Variants in TBCD observed in about 807,000 individuals in gnomAD.
TBCD encodes the protein tubulin folding cofactor D, also known as tubulin-specific chaperone D.
TBCD carries 105 observed loss-of-function variants against 169.3 expected under a neutral mutation model. The ratio of observed to expected loss-of-function variants is 0.62; its 90% CI spans 0.53 to 0.73. The LOEUF (loss-of-function observed/expected upper bound fraction) is 0.73, where lower values mean the gene tolerates loss of function less well. Among genes scored for constraint, TBCD ranks in the 30% least tolerant of loss-of-function variants. The pLI, the probability that TBCD is intolerant of heterozygous loss-of-function variation, is 0.00. For synonymous variants in TBCD, 700 were observed against 643.9 expected (o/e 1.09, Z -1.32); for missense variants, 1,444 against 1,600.1 (o/e 0.90, Z 1.66).
chr17:82,842,974 G>A (rs1567872886), intron 13 of TBCD, among the ~76,000 whole-genome samples: 1 of 151,706 alleles, frequency 6.6e-6, no homozygotes, highest in Non-Finnish European at 1.5e-5. Context: ...TAGAGACGGG[G>A]TTTCACCGTG....
At position 82,907,764 on chromosome 17, in the gene TBCD, C is replaced by T. The variant is rs143310904; in HGVS notation, c.1926C>T (p.Pro642=). ...CTCTGTGTTTGAACTTCTGCAGGCC[C>T]GTCACGGACCATCTGGACGAGCAGG... ...LYKLAAQENR[P]VTDHLDEQAV... The change falls in exon 21 of 39, where the codon CCC becomes CCT. Residue 642 remains proline, a synonymous_variant. Coordinates refer to ENST00000355528, the MANE Select transcript of TBCD (RefSeq NM_005993.5). 46 of 1,613,730 alleles carry T rather than the reference C, an allele frequency of 2.9e-5. No homozygotes were observed. The African/African-American group carries it at 3.1e-4, about 11-fold the overall frequency.
At position 82,937,336 on chromosome 17, in the gene TBCD, A is replaced by C; in HGVS notation, c.3257A>C (p.Gln1086Pro). The C allele has an allele frequency of 6.2e-7, 1 of 1,614,052 alleles. No homozygotes were observed. The highest frequency in any genetic ancestry group is 8.5e-7 in the Non-Finnish European group (1 of 1,179,898). The change falls in exon 35 of 39, where the codon CAG becomes CCG. Residue 1086 changes from glutamine (Q) to proline (P), a missense_variant. Physicochemically the swap from Gln to Pro is moderately conservative, Grantham distance 76. Coordinates refer to ENST00000355528, the MANE Select transcript of TBCD (RefSeq NM_005993.5). ...KKEIKNSKDI[Q>P]KLLSGIAVFC... ...GAAATCAAGAATTCAAAAGATATCC[A>C]GAAGCTCCTGTCAGGCATCGCAGTG...
At chr17:82,809,658 T>A in intron 11 of TBCD, 50 bp from the exon 12 acceptor site, 1 of 1,588,944 alleles carries the variant, frequency 6.3e-7, no homozygotes, top group Non-Finnish European at 8.6e-7. Context: ...CGCATGCCCT[T>A]GGCGACAGGC....
intron 23 of TBCD, among the ~76,000 whole-genome samples, chr17:82,919,325 C>A (rs8067463): frequency 0.99 from 151,290 of 152,236 alleles, 75,182 homozygotes; most frequent in East Asian, 1. Context: ...CAGATTTTAT[C>A]ATAATAATTC....
chr17:82,884,077 A>C lies in TBCD; in HGVS notation c.1476-68A>C. On this transcript the variant is annotated intron_variant, in intron 14 of 38. Transcript: ENST00000355528. This position sits in a 1 kb window ranked among gnomAD's most constrained non-coding sequence, Gnocchi z 4.2. ...TGAGTCGTGAGAGAAAGGCTTTCTC[A>C]TCGATACTGTGTGGTCTGTACTGTT... 6.8e-7 allele frequency: 1 copy of C among 1,462,610 alleles called. No homozygotes were observed. Among genetic ancestry groups the C allele is most frequent in the East Asian group, 2.4e-5 (1 of 40,868 alleles). 90.6% of individuals were successfully genotyped at this position (1,462,610 alleles called of 1,614,324 possible). A position where few individuals can be genotyped will look rare whatever the true frequency, so the allele number is the denominator to read the frequency against.
chr17:82,811,134 C>T (rs1443104674), intron 12 of TBCD, among the ~76,000 whole-genome samples: 3 of 152,184 alleles, frequency 2.0e-5, no homozygotes, highest in Non-Finnish European at 4.4e-5. Flanking sequence ...CAGGCGTGTC[C>T]CTGGAGCTCC....
At position 82,833,358 on chromosome 17, in the gene TBCD, T is replaced by G. The variant is rs1214155560; in HGVS notation, c.1318+18424T>G. Among the ~76,000 whole-genome samples, 1 of 152,190 alleles carries G rather than the reference T, an allele frequency of 6.6e-6. No individual in the cohort carries two copies. Among genetic ancestry groups the G allele is most frequent in the Non-Finnish European group, 1.5e-5 (1 of 68,042 alleles). Reference sequence around the variant, plus strand: ...CACTCGTGGCAGTTTCTGCCCACTTTAGCCACGTCGTTGGTGTATTCTAGT... The same window carrying G: ...CACTCGTGGCAGTTTCTGCCCACTTGAGCCACGTCGTTGGTGTATTCTAGT... On this transcript the variant is annotated intron_variant, in intron 13 of 38. Transcript: ENST00000355528. This position sits in a 1 kb window ranked among gnomAD's most constrained non-coding sequence, Gnocchi z 4.7.
rs75154639 is a variant in TBCD, at chr17:82,763,820, G to A, written c.236-145G>A. On this transcript the variant is annotated intron_variant, in intron 2 of 38. Transcript: ENST00000355528. ...AATAGTAGGATCATAGCTCATTGCC[G>A]CCTTGAAATTCTGGCTTCAAATGAT... is the stretch of plus-strand genomic sequence containing the variant. The A allele has an allele frequency of 6.4e-3, 4,395 of 687,190 alleles. 139 individuals carry two copies. In the African/African-American group the frequency reaches 0.071, roughly 11 times the overall value. The allele number at this position is 687,190 out of a possible 1,614,324, so 42.6% of individuals were successfully genotyped here.
rs1355269484 is a variant in TBCD at position 82,890,963 on chromosome 17, G to T, written c.1563+1266G>T. Among the ~76,000 whole-genome samples the T allele has an allele frequency of 2.6e-5, 4 of 152,248 alleles. No individual in the cohort carries two copies. The highest frequency in any genetic ancestry group is 5.9e-5 in the Non-Finnish European group (4 of 68,046). On this transcript the variant is annotated intron_variant, in intron 16 of 38. Transcript: ENST00000355528. This position sits in a 1 kb window ranked among gnomAD's most constrained non-coding sequence, Gnocchi z 5.3. ...TAGGGACTTGCCAGCTTCCTGGAAA[G>T]TGAGAGCCCAGGAGAAGAAGTCTCC...
At chr17:82,885,220 G>C (rs533924888) in intron 15 of TBCD, among the ~76,000 whole-genome samples, 1 of 152,280 alleles carries the variant, frequency 6.6e-6, no homozygotes, top group South Asian at 2.1e-4. Flanking sequence ...GGCGGAAGGG[G>C]TGCTGGGACC....
chr17:82,813,914 G>T (rs1180349222), intron 12 of TBCD, among the ~76,000 whole-genome samples: 2 of 152,156 alleles, frequency 1.3e-5, no homozygotes, highest in Non-Finnish European at 2.9e-5. Flanking sequence ...GCAGCCACTG[G>T]GCGGACAGGC....
In TBCD at chr17:82,939,537, C is replaced by T. The variant is rs1220751768; in HGVS notation, c.3479+61C>T. ...CTGGCACCGCCCCTCTTCCTGTCCC[C>T]ACCGTGTCTACTCGTCTCTCCCAAA... On this transcript the variant is annotated intron_variant, in intron 37 of 38. Coordinates refer to ENST00000355528, the MANE Select transcript of TBCD (RefSeq NM_005993.5). The T allele has an allele frequency of 8.2e-6, 11 of 1,340,582 alleles. No homozygotes were observed. The East Asian group carries it at 1.9e-4, about 24-fold the overall frequency. The allele number at this position is 1,340,582 out of a possible 1,614,324, so 83.0% of individuals were successfully genotyped here.
In TBCD at chr17:82,805,947, A is replaced by C. The variant is rs771109546; in HGVS notation, c.1023A>C (p.Pro341=). Residue 341 remains proline (P), a synonymous_variant, in exon 10 of 39, where the codon CCA becomes CCC. Coordinates refer to ENST00000355528, the MANE Select transcript of TBCD (RefSeq NM_005993.5). ...CTCAGGGTCAGAGTGAGCAGAAGCC[A>C]CTCATCCTGACCGAAGATGACGACG... ...LLTQGQSEQK[P]LILTEDDDED... is the part of the protein sequence containing the mutation. 1.2e-6 allele frequency: 2 copies of C among 1,613,728 alleles called. No individual in the cohort carries two copies. The highest frequency in any genetic ancestry group is 1.1e-5 in the South Asian group (1 of 91,074).
intron 20 of TBCD, among the ~76,000 whole-genome samples, chr17:82,906,276 C>T (rs984014501): frequency 4.6e-5 from 7 of 152,184 alleles, no homozygotes; most frequent in Admixed American, 6.5e-5. Flanking sequence ...TTCAGCGGGG[C>T]GGGTGCAGCA....
At position 82,920,535 on chromosome 17, in the gene TBCD, C is replaced by G; in HGVS notation, c.2039-21C>G. On this transcript the variant is annotated intron_variant, in intron 23 of 38. Coordinates refer to ENST00000355528, the MANE Select transcript of TBCD (RefSeq NM_005993.5). This position sits in a 1 kb window ranked among gnomAD's most constrained non-coding sequence, Gnocchi z 4.1. ...TTTAGAAAAGTAACATTGCGTCTAT[C>G]CTTTTTTTTTTTTTTTCCAGTGTGT... is the stretch of plus-strand genomic sequence containing the variant. 6.7e-7 allele frequency: 1 copy of G among 1,500,716 alleles called. No homozygotes were observed. Among genetic ancestry groups the G allele is most frequent in the Non-Finnish European group, 8.8e-7 (1 of 1,131,348 alleles). 93.0% of individuals were successfully genotyped at this position (1,500,716 alleles called of 1,614,324 possible).
intron 2 of TBCD, among the ~76,000 whole-genome samples, chr17:82,761,683 C>T (rs937276781): frequency 6.6e-6 from 1 of 150,384 alleles, no homozygotes; most frequent in Non-Finnish European, 1.5e-5. Flanking sequence ...GTAGTTTGTA[C>T]GTTTTCTCTC....
At position 82,782,778 on chromosome 17, in the gene TBCD, TGTCTTCCTGTCTGTGGC is replaced by T. The variant is rs2049034802; in HGVS notation, c.771+1061_771+1077del. ...GGCATTGTCTTCCTATCCGCGGCGT[TGTCTTCCTGTCTGTGGC>T]GTCGTCCTGTCTGCGGTGGCGTCGT... is the stretch of plus-strand genomic sequence containing the variant. On this transcript the variant is annotated intron_variant, in intron 7 of 38. Transcript: ENST00000355528. The surrounding 1 kb of genome is among the most constrained non-coding windows in gnomAD (Gnocchi z 5.1). 6.8e-6 allele frequency among the ~76,000 whole-genome samples: 1 copy of T among 147,518 alleles called. No homozygotes were observed. Among genetic ancestry groups the T allele is most frequent in the Admixed American group, 6.7e-5 (1 of 14,956 alleles).
chr17:82,939,969 C>A (rs1342239197), intron 37 of TBCD, among the ~76,000 whole-genome samples: 1 of 152,236 alleles, frequency 6.6e-6, no homozygotes, highest in African/African-American at 2.4e-5. Context: ...CCACTCTCCA[C>A]GTTTACTTTG....
At chr17:82,758,384 G>GGAAAAA (rs1555672563) in intron 2 of TBCD, among the ~76,000 whole-genome samples, 2 of 25,002 alleles carry the variant, frequency 8.0e-5, no homozygotes, top group African/African-American at 9.9e-5. Context: ...AAACGTCTCG[G>GGAAAAA]AAAAAAAAAA....
Sources: gnomAD v4.1 joint callset for allele counts (sites outside exome capture counted in the v4.1 genomes callset) on GRCh38, gnomAD v4.1.1 for gene constraint, Gnocchi (gnomAD v3.1) non-coding constraint, MANE v1.5 for transcripts, NCBI Gene and HGNC (gene_info 2026-07-23, HGNC 2026-07-21) for gene names.